AP3B1: variants seen among roughly 807,000 people sequenced by gnomAD.
AP3B1 encodes AP-3 complex subunit beta-1.
AP3B1 carries 61 observed loss-of-function variants against 132.5 expected under a neutral mutation model. The ratio of observed to expected loss-of-function variants is 0.46; its 90% CI spans 0.37 to 0.57. The LOEUF (loss-of-function observed/expected upper bound fraction) is 0.57, where lower values mean the gene tolerates loss of function less well. AP3B1 is among the 20% of genes least tolerant of loss of function. AP3B1 has a pLI of 0.00. For missense variants in AP3B1, 1,120 were observed against 1,289.4 expected, an observed-to-expected ratio of 0.87 and a Z score of 2.01; for synonymous variants, 388 against 438.3, an observed-to-expected ratio of 0.89 and a Z score of 1.43.
chr5:78,148,197 T>G (rs1478558372), intron 14 of AP3B1, among the ~76,000 whole-genome samples: 1 of 152,180 alleles, frequency 6.6e-6, no homozygotes, highest in Non-Finnish European at 1.5e-5. Flanking sequence ...ACAGGTTTTA[T>G]GTATAGCAGC....
intron 22 of AP3B1, among the ~76,000 whole-genome samples, chr5:78,039,777 CAAAAAAAAAAAAAAAGAAAAGAAAAGAAA>C: frequency 1.4e-5 from 1 of 71,220 alleles, no homozygotes; most frequent in South Asian, 4.9e-4. Context: ...GACTCCGTCT[CAAAAAAAAAAAAAAAGAAAAGAAAAGAAA>C]AAAAAAAGAA....
intron 22 of AP3B1, among the ~76,000 whole-genome samples, chr5:78,079,814 A>G (rs370799049): frequency 6.6e-6 from 1 of 152,192 alleles, no homozygotes; most frequent in African/African-American, 2.4e-5. Flanking sequence ...CTGAATGACA[A>G]TCACAAGTAT....
intron 14 of AP3B1, among the ~76,000 whole-genome samples, chr5:78,145,630 T>C (rs535969253): frequency 3.9e-5 from 6 of 152,322 alleles, no homozygotes; most frequent in African/African-American, 1.4e-4. Flanking sequence ...TCATATTTAC[T>C]TATTAATCAG....
chr5:78,262,327 T>C (rs1181690276), intron 2 of AP3B1, among the ~76,000 whole-genome samples: 3 of 152,218 alleles, frequency 2.0e-5, no homozygotes, highest in Non-Finnish European at 4.4e-5. Context: ...TTTTTCTCTA[T>C]GCTTTCTTCT....
chr5:78,046,884 T>TG (rs1748358473), intron 22 of AP3B1, among the ~76,000 whole-genome samples: 1 of 152,056 alleles, frequency 6.6e-6, no homozygotes, highest in African/African-American at 2.4e-5. Flanking sequence ...CCCTGGTGTG[T>TG]GATGTTCCCC....
intron 17 of AP3B1, among the ~76,000 whole-genome samples, chr5:78,117,199 A>C (rs1580366465): frequency 7.0e-6 from 1 of 142,594 alleles, no homozygotes; most frequent in African/African-American, 2.6e-5. Flanking sequence ...TTTTAATCAC[A>C]GCATGTATTA....
chr5:78,187,847 A>G (rs1744664296), intron 7 of AP3B1, among the ~76,000 whole-genome samples: 1 of 152,242 alleles, frequency 6.6e-6, no homozygotes, highest in Non-Finnish European at 1.5e-5. Flanking sequence ...ACAAGGCCAC[A>G]GTAACCAAAA....
At chr5:78,149,857 T>G (rs756301953) in intron 14 of AP3B1, among the ~76,000 whole-genome samples, 2 of 151,958 alleles carry the variant, frequency 1.3e-5, no homozygotes, top group African/African-American at 2.4e-5. Flanking sequence ...AGAACAGATA[T>G]GAATACAAAG....
At chr5:78,006,456 C>A (rs185223064) in intron 26 of AP3B1, among the ~76,000 whole-genome samples, 1 of 152,122 alleles carries the variant, frequency 6.6e-6, no homozygotes, top group Admixed American at 6.5e-5. Flanking sequence ...TGTAGTAATG[C>A]GTAATTCAAA....
At chr5:78,017,963 G>C (rs1446818404) in intron 25 of AP3B1, among the ~76,000 whole-genome samples, 1 of 151,760 alleles carries the variant, frequency 6.6e-6, no homozygotes, top group Non-Finnish European at 1.5e-5. Flanking sequence ...AAATTTCTAA[G>C]TTTTAGATTT....
chr5:78,060,540 T>G (rs1270384673), intron 22 of AP3B1, among the ~76,000 whole-genome samples: 2 of 152,210 alleles, frequency 1.3e-5, no homozygotes, highest in African/African-American at 4.8e-5. Context: ...TTTGGCAGCA[T>G]TAGTAATTCC....
intron 17 of AP3B1, among the ~76,000 whole-genome samples, chr5:78,125,231 A>C (rs1752408073): frequency 6.6e-6 from 1 of 152,188 alleles, no homozygotes; most frequent in African/African-American, 2.4e-5. Context: ...AAGGATCTTC[A>C]AAACTTACTG....
intron 24 of AP3B1, among the ~76,000 whole-genome samples, chr5:78,031,972 C>T (rs1248859539): frequency 6.6e-6 from 1 of 152,138 alleles, no homozygotes; most frequent in Non-Finnish European, 1.5e-5. Flanking sequence ...GGATGAGGAT[C>T]TGTTTATGTA....
chr5:78,292,283 C>T (rs1328647829), intron 1 of AP3B1, among the ~76,000 whole-genome samples: 5 of 152,146 alleles, frequency 3.3e-5, no homozygotes, highest in African/African-American at 1.2e-4. Flanking sequence ...ACTTCCAGAA[C>T]AGGGGTCTCC....
rs1746222876 is a variant in AP3B1, at chr5:78,002,357, T to C, written c.*545A>G. 1 of 373,650 alleles carries C rather than the reference T, an allele frequency of 2.7e-6. No homozygotes were observed. Among genetic ancestry groups the C allele is most frequent in the Admixed American group, 4.5e-5 (1 of 22,436 alleles). 23.1% of individuals were successfully genotyped at this position (373,650 alleles called of 1,614,324 possible). A position where few individuals can be genotyped will look rare whatever the true frequency, so the allele number is the denominator to read the frequency against. On this transcript the variant is annotated 3_prime_UTR_variant, in exon 27 of 27. Coordinates refer to ENST00000255194, the MANE Select transcript of AP3B1 (RefSeq NM_003664.5). The stretch of plus-strand genomic sequence containing the variant: ...TCATATGCTAGTTTATTTATCTTAT[T>C]ATTGAGAGATAATTTCATGATGACA...
intron 23 of AP3B1, 67 bp downstream of exon 23, chr5:78,038,976 T>A: frequency 1.0e-6 from 1 of 963,158 alleles, no homozygotes; most frequent in Non-Finnish European, 1.6e-6. Context: ...TATTCTACTT[T>A]ACTTTTAAAA....
At chr5:78,081,913 AAC>A (rs1368665647) in intron 22 of AP3B1, among the ~76,000 whole-genome samples, 243 of 139,290 alleles carry the variant, frequency 1.7e-3, no homozygotes, top group African/African-American at 7.4e-3. Flanking sequence ...AAAAAAAAAA[AAC>A]AGTTATAATC....
intron 1 of AP3B1, among the ~76,000 whole-genome samples, chr5:78,273,267 T>C (rs1001084231): frequency 6.6e-6 from 1 of 152,072 alleles, no homozygotes; most frequent in Non-Finnish European, 1.5e-5. Context: ...TAGCCAGGTG[T>C]GGTGACATGC....
At chr5:78,194,903 T>C (rs1375808628) in intron 7 of AP3B1, among the ~76,000 whole-genome samples, 1 of 152,172 alleles carries the variant, frequency 6.6e-6, no homozygotes, top group Non-Finnish European at 1.5e-5. Context: ...CTCTAAAATA[T>C]ATGTGATAAA....
Sources: gnomAD v4.1 joint callset for allele counts (sites outside exome capture counted in the v4.1 genomes callset) on GRCh38, gnomAD v4.1.1 for gene constraint, MANE v1.5 for transcripts, NCBI Gene and HGNC (gene_info 2026-07-23, HGNC 2026-07-21) for gene names.